The following TSPEAR variants were observed in gnomAD, a reference collection of about 807,000 sequenced individuals.
The protein encoded by TSPEAR is thrombospondin type laminin G domain and EAR repeats.
Under a neutral mutation model 71.6 loss-of-function variants are expected in TSPEAR, and 69 were observed. That is an observed-to-expected ratio of 0.96 (90% CI 0.79 to 1.18). TSPEAR has a LOEUF of 1.18. Ranked by LOEUF, TSPEAR falls within the 50% of genes most tolerant of loss-of-function variation. TSPEAR has a pLI of 0.00. For missense variants in TSPEAR, 971 were observed against 894.9 expected (o/e 1.09, Z -1.09); for synonymous variants, 402 against 387.2 (o/e 1.04, Z -0.45).
At chr21:44,507,036 G>T (rs377491457) in intron 10 of TSPEAR, 88 of 152,372 alleles carry the variant, frequency 5.8e-4, no homozygotes, top group African/African-American at 1.9e-3. Context: ...TGAGAAGGGG[G>T]ATGCTCTGAG....
At chr21:44,626,546 C>T (rs1055785721) in intron 1 of TSPEAR, among the ~76,000 whole-genome samples, 8 of 152,208 alleles carry the variant, frequency 5.3e-5, no homozygotes, top group Non-Finnish European at 7.3e-5. Flanking sequence ...GCTGAGCCCA[C>T]GATCCCTGCC....
In TSPEAR at chr21:44,666,594, G is replaced by A. The variant is rs200410263; in HGVS notation, c.82+44839C>T. ...CACGCACAGGGAGGACTGGCAGGAG[G>A]GGGCTGCACACACAATGGGCCTGCA... On this transcript the variant is annotated intron_variant, in intron 1 of 11. Transcript: ENST00000323084. 1.6e-5 allele frequency: 25 copies of A among 1,612,852 alleles called. No homozygotes were observed. In the African/African-American group the frequency reaches 2.1e-4, roughly 14 times the overall value.
intron 1 of TSPEAR, chr21:44,697,998 G>T: frequency 6.4e-7 from 1 of 1,562,718 alleles, no homozygotes; most frequent in East Asian, 2.2e-5. Flanking sequence ...GGGCCACTGG[G>T]CACTATGAGT....
intron 1 of TSPEAR, chr21:44,667,033 C>T (rs1985821596): frequency 1.1e-6 from 1 of 942,124 alleles, no homozygotes; most frequent in Admixed American, 2.9e-5. Context: ...GTGCTGTCTC[C>T]TGGAGCTTAA....
At chr21:44,525,296 C>T (rs1208500879) in intron 8 of TSPEAR, among the ~76,000 whole-genome samples, 1 of 152,002 alleles carries the variant, frequency 6.6e-6, no homozygotes, top group Non-Finnish European at 1.5e-5. Context: ...GTCAATCAGT[C>T]ATCAGGCAGT....
chr21:44,566,954 G>A (rs1232248017), intron 2 of TSPEAR, among the ~76,000 whole-genome samples: 1 of 152,040 alleles, frequency 6.6e-6, no homozygotes, highest in Admixed American at 6.5e-5. Flanking sequence ...TTTGGCATTG[G>A]ATTCTTGGAT....
At chr21:44,510,826 T>A (rs587632542) in intron 9 of TSPEAR, 1 of 152,262 alleles carries the variant, frequency 6.6e-6, no homozygotes, top group African/African-American at 2.4e-5. Context: ...AAAGCAAGAC[T>A]CACTAGGCAA....
intron 1 of TSPEAR, among the ~76,000 whole-genome samples, chr21:44,679,082 T>C (rs1986457855): frequency 1.3e-5 from 2 of 152,208 alleles, no homozygotes. Flanking sequence ...CCTTATGGTA[T>C]ATAAGCCTTG....
chr21:44,542,758 A>G (rs2053242464), intron 2 of TSPEAR, among the ~76,000 whole-genome samples: 1 of 148,904 alleles, frequency 6.7e-6, no homozygotes, highest in South Asian at 2.1e-4. Flanking sequence ...AAAAAAAAAA[A>G]GAAAAAGAAA....
chr21:44,663,326 A>C (rs1293134015), intron 1 of TSPEAR, among the ~76,000 whole-genome samples: 1 of 152,144 alleles, frequency 6.6e-6, no homozygotes, highest in Non-Finnish European at 1.5e-5. Flanking sequence ...GAATGATGTA[A>C]ACAACTTCAT....
chr21:44,616,136 CTGCACACA>C (rs1349173834), intron 1 of TSPEAR, among the ~76,000 whole-genome samples: 1 of 152,208 alleles, frequency 6.6e-6, no homozygotes, highest in Non-Finnish European at 1.5e-5. Context: ...CTATGTGTCA[CTGCACACA>C]TGCTTAGGCT....
intron 1 of TSPEAR, among the ~76,000 whole-genome samples, chr21:44,628,446 G>T (rs1306443284): frequency 6.6e-6 from 1 of 151,806 alleles, no homozygotes; most frequent in Non-Finnish European, 1.5e-5. Flanking sequence ...CCTGGCTCTG[G>T]GGGGCTGGGC....
chr21:44,656,302 C>G (rs1985142676), intron 1 of TSPEAR, among the ~76,000 whole-genome samples: 1 of 152,244 alleles, frequency 6.6e-6, no homozygotes, highest in Non-Finnish European at 1.5e-5. Flanking sequence ...CAGGGCCCAC[C>G]TGGCCTCGTC....
At chr21:44,614,337 G>A (rs782646618) in intron 1 of TSPEAR, among the ~76,000 whole-genome samples, 15 of 152,370 alleles carry the variant, frequency 9.8e-5, no homozygotes, top group Middle Eastern at 6.8e-3. Flanking sequence ...TGGGGACAGC[G>A]CCCAGAGACA....
intron 2 of TSPEAR, chr21:44,550,237 C>A (rs587714752): frequency 7.6e-4 from 166 of 217,786 alleles, no homozygotes; most frequent in African/African-American, 3.6e-3. Flanking sequence ...CACACAAGAG[C>A]CCCCCGGGGC....
intron 2 of TSPEAR, among the ~76,000 whole-genome samples, chr21:44,544,384 G>A (rs2053268301): frequency 6.6e-6 from 1 of 152,204 alleles, no homozygotes; most frequent in African/African-American, 2.4e-5. Flanking sequence ...GTGGGATGAT[G>A]AGAGGAGTCT....
At position 44,623,189 on chromosome 21, in the gene TSPEAR, C is replaced by T. The variant is rs1336079777; in HGVS notation, c.83-55184G>A. Among the ~76,000 whole-genome samples, 1 of 152,210 alleles carries T rather than the reference C, an allele frequency of 6.6e-6. No individual in the cohort carries two copies. The highest frequency in any genetic ancestry group is 1.5e-5 in the Non-Finnish European group (1 of 68,042). The stretch of plus-strand genomic sequence containing the variant: ...TTATAGCAATGCGAGACCAGCTTAA[C>T]ACAGTGAGGTTCTGGGTGGATATGA... On this transcript the variant is annotated intron_variant, in intron 1 of 11. Transcript: ENST00000323084. This position sits in a 1 kb window ranked among gnomAD's most constrained non-coding sequence, Gnocchi z 4.5.
At chr21:44,676,964 C>G in intron 1 of TSPEAR, 1 of 927,104 alleles carries the variant, frequency 1.1e-6, no homozygotes, top group South Asian at 1.3e-5. Context: ...AGCTTGTCAG[C>G]TGGGTCCGAA....
At chr21:44,529,685 G>C (rs782665978) in intron 5 of TSPEAR, 113 bp downstream of exon 5, 1 of 1,225,906 alleles carries the variant, frequency 8.2e-7, no homozygotes, top group African/African-American at 1.5e-5. Flanking sequence ...GCAGTGATGA[G>C]GGGGGCAGGC....
Sources: allele counts gnomAD v4.1 joint callset (sites outside exome capture counted in the v4.1 genomes callset), GRCh38; gene constraint gnomAD v4.1.1; non-coding constraint Gnocchi (gnomAD v3.1); transcripts MANE v1.5; gene names NCBI Gene and HGNC (gene_info 2026-07-23, HGNC 2026-07-21).